The following TMEFF2 variants were observed in gnomAD, a reference collection of about 807,000 sequenced individuals.
TMEFF2 encodes the protein tomoregulin-2.
TMEFF2 carries 28 observed loss-of-function variants against 53.8 expected under a neutral mutation model. The ratio of observed to expected loss-of-function variants is 0.52; its 90% confidence interval spans 0.39 to 0.71. The LOEUF is 0.71. Among genes scored for constraint, TMEFF2 ranks in the 30% least tolerant of loss-of-function variants. The probability of loss-of-function intolerance (pLI) is 0.00; values close to 1 mark genes in which losing one functional copy is unlikely to be tolerated. For missense variants in TMEFF2, 353 were observed against 455.2 expected (o/e 0.78, Z 2.04); for synonymous variants, 162 against 166.3 (o/e 0.97, Z 0.20).
chr2:192,016,829 A>G (rs1426168195), intron 5 of TMEFF2, among the ~76,000 whole-genome samples: 1 of 152,234 alleles, frequency 6.6e-6, no homozygotes, highest in African/African-American at 2.4e-5. Flanking sequence ...GTTTTCATTC[A>G]TTTAGTCATT....
chr2:191,953,672 T>A lies in TMEFF2; in HGVS notation c.1028+7A>T. 6.2e-7 allele frequency: 1 copy of A among 1,613,236 alleles called. No homozygotes were observed. Among genetic ancestry groups the A allele is most frequent in the Non-Finnish European group, 8.5e-7 (1 of 1,179,584 alleles). ...TATTTGGGTAGCCACCAAGTGCTGT[T>A]ACTGACCTTGTGATGCAGAGGACCA... On this transcript the variant is annotated splice_region_variant and intron_variant, in intron 9 of 9. Coordinates refer to ENST00000272771, the MANE Select transcript of TMEFF2 (RefSeq NM_016192.4).
chr2:191,957,732 A>C (rs144958420), intron 7 of TMEFF2, among the ~76,000 whole-genome samples: 1,769 of 152,254 alleles, frequency 0.012, 30 homozygotes, highest in African/African-American at 0.04. Context: ...TACACACCCA[A>C]ATTTGTAAGG....
chr2:192,183,610 T>C (rs1357644511), intron 3 of TMEFF2, among the ~76,000 whole-genome samples: 1 of 152,100 alleles, frequency 6.6e-6, no homozygotes, highest in Non-Finnish European at 1.5e-5. Flanking sequence ...ACAATATATG[T>C]GATTTTGATA....
intron 4 of TMEFF2, among the ~76,000 whole-genome samples, chr2:192,102,500 C>T (rs568789919): frequency 2.0e-5 from 3 of 152,152 alleles, no homozygotes; most frequent in African/African-American, 4.8e-5. Context: ...AAGACAGGAC[C>T]TTTGCAGTTG....
intron 5 of TMEFF2, among the ~76,000 whole-genome samples, chr2:192,006,057 T>G (rs1028296243): frequency 9.9e-6 from 1 of 100,578 alleles, no homozygotes. Context: ...AGGTCTCAGG[T>G]GACTTTTTTT....
At chr2:192,161,966 G>A (rs918590857) in intron 4 of TMEFF2, among the ~76,000 whole-genome samples, 1 of 152,168 alleles carries the variant, frequency 6.6e-6, no homozygotes, top group Non-Finnish European at 1.5e-5. Flanking sequence ...TAAAATTACA[G>A]AGAGCGTTTT....
chr2:192,049,151 CTATG>C (rs1204933558), intron 5 of TMEFF2, among the ~76,000 whole-genome samples: 1 of 114,060 alleles, frequency 8.8e-6, no homozygotes, highest in South Asian at 2.5e-4. Context: ...TACATTTGGT[CTATG>C]TGTGTGTGTG....
At chr2:191,960,688 T>G (rs1692246346) in intron 7 of TMEFF2, among the ~76,000 whole-genome samples, 2 of 152,198 alleles carry the variant, frequency 1.3e-5, no homozygotes, top group South Asian at 4.1e-4. Context: ...AAGAGTCTGA[T>G]TCTGTGTAAG....
intron 7 of TMEFF2, among the ~76,000 whole-genome samples, chr2:191,974,446 T>G (rs1319587976): frequency 5.9e-5 from 9 of 152,076 alleles, no homozygotes; most frequent in Non-Finnish European, 4.4e-5. Context: ...TCTATATATC[T>G]TTTTCTTAAA....
At chr2:192,130,319 A>G (rs1689785947) in intron 4 of TMEFF2, among the ~76,000 whole-genome samples, 1 of 151,978 alleles carries the variant, frequency 6.6e-6, no homozygotes, top group African/African-American at 2.4e-5. Context: ...CTTTCTTCTA[A>G]TAATGCAATC....
intron 7 of TMEFF2, among the ~76,000 whole-genome samples, chr2:191,956,594 C>T (rs994028037): frequency 1.8e-4 from 28 of 152,170 alleles, no homozygotes; most frequent in African/African-American, 6.8e-4. Flanking sequence ...GCTTTTTATG[C>T]TTTCATGCAA....
At chr2:191,968,286 C>T (rs866889158) in intron 7 of TMEFF2, among the ~76,000 whole-genome samples, 6 of 152,046 alleles carry the variant, frequency 3.9e-5, no homozygotes, top group South Asian at 2.1e-4. Flanking sequence ...CTCAGCTAGT[C>T]CGTGGGAAAG....
At chr2:192,182,609 G>A (rs1258270168) in intron 3 of TMEFF2, among the ~76,000 whole-genome samples, 1 of 151,956 alleles carries the variant, frequency 6.6e-6, no homozygotes, top group East Asian at 1.9e-4. Flanking sequence ...TTGGAGGTTG[G>A]CAAGTAAGAA....
intron 4 of TMEFF2, among the ~76,000 whole-genome samples, chr2:192,085,192 GATGGT>G (rs1476420168): frequency 6.6e-6 from 1 of 152,078 alleles, no homozygotes; most frequent in African/African-American, 2.4e-5. Context: ...GAGACCTGGA[GATGGT>G]ATGGTATAAT....
intron 7 of TMEFF2, among the ~76,000 whole-genome samples, chr2:191,965,430 TCACC>T (rs1201086629): frequency 6.6e-6 from 1 of 152,180 alleles, no homozygotes; most frequent in African/African-American, 2.4e-5. Flanking sequence ...TGTCAGCAAA[TCACC>T]ATGCCTCCAA....
intron 4 of TMEFF2, among the ~76,000 whole-genome samples, chr2:192,077,150 G>A (rs887127826): frequency 6.6e-6 from 1 of 152,126 alleles, no homozygotes; most frequent in Non-Finnish European, 1.5e-5. Context: ...ACCAGAAGGT[G>A]GAAAATAGCG....
In TMEFF2 at chr2:191,991,550, C is replaced by T. The variant is rs568136839; in HGVS notation, c.745+6712G>A. On this transcript the variant is annotated intron_variant, in intron 7 of 9. Coordinates refer to ENST00000272771, the MANE Select transcript of TMEFF2 (RefSeq NM_016192.4). ...CTGAGGCTTCAACTAATCAAGAAAC[C>T]GAGCCTTCAACTAATTTAACAAGGT... 5.3e-5 allele frequency among the ~76,000 whole-genome samples: 8 copies of T among 152,048 alleles called. No homozygotes were observed. The South Asian group carries it at 6.2e-4, about 12-fold the overall frequency.
At chr2:191,980,642 C>T (rs572038281) in intron 7 of TMEFF2, among the ~76,000 whole-genome samples, 5 of 152,268 alleles carry the variant, frequency 3.3e-5, no homozygotes, top group Non-Finnish European at 7.4e-5. Flanking sequence ...AATTCACTGC[C>T]ACCCCCAGCG....
At chr2:192,156,913 T>C (rs561531944) in intron 4 of TMEFF2, among the ~76,000 whole-genome samples, 46 of 152,168 alleles carry the variant, frequency 3.0e-4, no homozygotes, top group African/African-American at 1.1e-3. Flanking sequence ...GAGGTTAACA[T>C]ATGTTCTTAA....
Sources: gnomAD v4.1 joint callset for allele counts (sites outside exome capture counted in the v4.1 genomes callset) on GRCh38, gnomAD v4.1.1 for gene constraint, MANE v1.5 for transcripts, NCBI Gene and HGNC (gene_info 2026-07-23, HGNC 2026-07-21) for gene names.